Variants in CTNNA1 observed in about 807,000 individuals in gnomAD.
CTNNA1 encodes catenin alpha-1.
Under a neutral mutation model 98.4 loss-of-function variants are expected in CTNNA1, and 37 were observed. The ratio of observed to expected loss-of-function variants is 0.38; its 90% CI spans 0.29 to 0.49. CTNNA1 has a LOEUF of 0.49. CTNNA1 is among the 20% of genes least tolerant of loss of function. The pLI is 0.95. For missense variants in CTNNA1, 761 were observed against 1,147.2 expected (o/e 0.66, Z 4.86); for synonymous variants, 404 against 413.2 (o/e 0.98, Z 0.27).
chr5:138,910,155 T>C (rs1276259902), intron 10 of CTNNA1, among the ~76,000 whole-genome samples: 1 of 151,678 alleles, frequency 6.6e-6, no homozygotes, highest in East Asian at 1.9e-4. Context: ...GGTGCTGTGC[T>C]CTTTTCATAA....
In CTNNA1 at chr5:138,809,938, A is replaced by G. The variant is rs1013576591; in HGVS notation, c.302-100A>G. 4.3e-6 allele frequency: 6 copies of G among 1,399,938 alleles called. No individual in the cohort carries two copies. The African/African-American group carries it at 7.2e-5, about 17-fold the overall frequency. 86.7% of individuals were successfully genotyped at this position (1,399,938 alleles called of 1,614,324 possible). On this transcript the variant is annotated intron_variant, in intron 3 of 17. Transcript: ENST00000302763. ...GAAAACTCTTAAACTAAATTTGTGC[A>G]TGAAATATACAAAGTTTGGATTATT...
intron 5 of CTNNA1, among the ~76,000 whole-genome samples, chr5:138,815,855 A>G (rs908624447): frequency 6.6e-6 from 1 of 152,186 alleles, no homozygotes; most frequent in Non-Finnish European, 1.5e-5. Flanking sequence ...CCCGTTCACA[A>G]AATGGTCTTT....
Position 138,924,301 on chromosome 5 carries a change from C to A in CTNNA1, c.1547-209C>A, listed in dbSNP as rs66841148. 0.029 allele frequency among the ~76,000 whole-genome samples: 2,591 copies of A among 90,636 alleles called. 78 individuals carry two copies. Among genetic ancestry groups the A allele is most frequent in the African/African-American group, 0.081 (2,358 of 29,134 alleles). The allele number at this position is 90,636 out of a possible 152,430, so 59.5% of individuals were successfully genotyped here. A position where few individuals can be genotyped will look rare whatever the true frequency, so the allele number is the denominator to read the frequency against. ...TTTTTTGTTTTTTTTTTTTTAAAAA[C>A]CTGGAATGAAGATTGTTATTCTTGG... On this transcript the variant is annotated intron_variant, in intron 11 of 17. Transcript: ENST00000302763.
At chr5:138,848,043 C>G (rs1049544603) in intron 7 of CTNNA1, among the ~76,000 whole-genome samples, 5 of 152,216 alleles carry the variant, frequency 3.3e-5, no homozygotes, top group African/African-American at 1.2e-4. Context: ...GTAATAAATT[C>G]TACCTAATTT....
At chr5:138,805,404 T>C (rs1757987014) in intron 3 of CTNNA1, among the ~76,000 whole-genome samples, 2 of 152,206 alleles carry the variant, frequency 1.3e-5, no homozygotes, top group Admixed American at 6.5e-5. Flanking sequence ...AATTTCCTCA[T>C]ATTCTTGCCA....
At chr5:138,767,138 G>A (rs1244381854) in intron 1 of CTNNA1, among the ~76,000 whole-genome samples, 4 of 152,064 alleles carry the variant, frequency 2.6e-5, no homozygotes, top group South Asian at 2.1e-4. Flanking sequence ...CCGGGTTCAC[G>A]CCATTCTCCT....
chr5:138,795,718 A>G (rs1395519766), intron 3 of CTNNA1, among the ~76,000 whole-genome samples: 1 of 152,088 alleles, frequency 6.6e-6, no homozygotes, highest in Non-Finnish European at 1.5e-5. Flanking sequence ...CAGTTTTATT[A>G]TAGGCTTGCC....
Position 138,827,662 on chromosome 5 carries a change from G to C in CTNNA1, c.1006G>C (p.Glu336Gln). 1 of 1,614,252 alleles carries C rather than the reference G, an allele frequency of 6.2e-7. No individual in the cohort carries two copies. Among genetic ancestry groups the C allele is most frequent in the Non-Finnish European group, 8.5e-7 (1 of 1,180,042 alleles). The change falls in exon 7 of 18, where the codon GAG becomes CAG. Residue 336 changes from glutamate to glutamine, a missense_variant. Glu to Gln is a conservative substitution (Grantham distance 29, BLOSUM62 2). This residue lies in a region of CTNNA1 where 287 missense variants were observed against 436.0 expected (regional missense o/e 0.66). Transcript: ENST00000302763. ...RDDRRERIVAECNAVRQALQD... is the reference protein window; with the variant it reads ...RDDRRERIVAQCNAVRQALQD... ...TGACCGTCGTGAGCGAATTGTGGCAGAGTGTAATGCTGTCCGCCAGGCCCT... is the reference window on the plus strand; with the variant it reads ...TGACCGTCGTGAGCGAATTGTGGCACAGTGTAATGCTGTCCGCCAGGCCCT...
In CTNNA1 at chr5:138,759,980, C is replaced by CTTTTTTTT. The variant is rs70982734; in HGVS notation, c.-3+6492_-3+6499dup. ...GGAATCCTCTCCCAGAATTTCTTTC[C>CTTTTTTTT]TTTTTTTTTTTTTTTTTTTTTTTTT... On this transcript the variant is annotated intron_variant, in intron 1 of 17. Transcript: ENST00000302763. 4.9e-5 allele frequency among the ~76,000 whole-genome samples: 3 copies of CTTTTTTTT among 61,232 alleles called. 1 individual carries two copies. Among genetic ancestry groups the CTTTTTTTT allele is most frequent in the African/African-American group, 1.6e-4 (2 of 12,874 alleles). The allele number at this position is 61,232 out of a possible 152,430, so 40.2% of individuals were successfully genotyped here.
At chr5:138,814,267 A>T (rs1431098344) in intron 5 of CTNNA1, among the ~76,000 whole-genome samples, 16 of 137,150 alleles carry the variant, frequency 1.2e-4, no homozygotes, top group Non-Finnish European at 1.5e-4. Flanking sequence ...TTTTTTTTTG[A>T]GATGGAGTTT....
intron 1 of CTNNA1, 86 bp from the exon 2 acceptor site, chr5:138,781,837 A>G (rs1755148717): frequency 7.7e-7 from 1 of 1,302,180 alleles, no homozygotes. Flanking sequence ...TTCCTGATGC[A>G]AAAGTCCCAA....
chr5:138,902,599 T>A (rs1284000337), intron 9 of CTNNA1, among the ~76,000 whole-genome samples: 2 of 152,178 alleles, frequency 1.3e-5, no homozygotes, highest in Non-Finnish European at 2.9e-5. Context: ...TTTTTGTATT[T>A]TAGTAGAGAC....
intron 4 of CTNNA1, 169 bp from the exon 5 acceptor site, chr5:138,812,014 T>A: frequency 3.5e-6 from 2 of 563,750 alleles, no homozygotes; most frequent in Non-Finnish European, 3.2e-6. Context: ...ACTATGAAGC[T>A]CCTGTGTAAT....
intron 3 of CTNNA1, among the ~76,000 whole-genome samples, chr5:138,791,849 T>TA (rs1756417720): frequency 6.6e-6 from 1 of 151,154 alleles, no homozygotes. Flanking sequence ...CTTGTTTTTT[T>TA]AAATTTTTAT....
At chr5:138,925,794 G>C (rs1763883246) in intron 13 of CTNNA1, among the ~76,000 whole-genome samples, 1 of 152,224 alleles carries the variant, frequency 6.6e-6, no homozygotes, top group Non-Finnish European at 1.5e-5. Flanking sequence ...TCTTCGGAGG[G>C]GCTGCAGGCA....
chr5:138,875,536 C>T, intron 7 of CTNNA1: 1 of 985,450 alleles, frequency 1.0e-6, no homozygotes, highest in Non-Finnish European at 1.2e-6. Context: ...GATATTCCTT[C>T]AGTGTAGGAA....
intron 3 of CTNNA1, among the ~76,000 whole-genome samples, chr5:138,786,304 TAAC>T (rs1244959921): frequency 6.6e-6 from 1 of 152,234 alleles, no homozygotes; most frequent in East Asian, 1.9e-4. Flanking sequence ...TGGAGAATCT[TAAC>T]AAATGGTGAT....
In CTNNA1 at chr5:138,934,084, A is replaced by C. The variant is rs2150360688; in HGVS notation, c.2716A>C (p.Ile906Leu). 1 of 1,610,494 alleles carries C rather than the reference A, an allele frequency of 6.2e-7. No individual in the cohort carries two copies. Among genetic ancestry groups the C allele is most frequent in the South Asian group, 1.1e-5 (1 of 91,028 alleles). ...CAGCGAGTTCAAAGCTATGGACAGC[A>C]TCTAAGTCTGCCCAGGCCGGCCGCC... is the stretch of plus-strand genomic sequence containing the variant. ...ALSEFKAMDS[I>L] The change falls in exon 18 of 18, where the codon ATC becomes CTC. Residue 906 changes from isoleucine (I) to leucine (L), a missense_variant. This residue lies in a region of CTNNA1 where 57 missense variants were observed against 90.9 expected (regional missense o/e 0.63). Coordinates refer to ENST00000302763, the MANE Select transcript of CTNNA1 (RefSeq NM_001903.5).
chr5:138,860,487 G>T lies in CTNNA1; in HGVS notation c.1063-25725G>T, dbSNP rs945007588. Among the ~76,000 whole-genome samples, 37 of 124,084 alleles carry T rather than the reference G, an allele frequency of 3.0e-4. 1 individual carries two copies. The highest frequency in any genetic ancestry group is 1.9e-3 in the Admixed American group (21 of 11,076). 81.4% of individuals were successfully genotyped at this position (124,084 alleles called of 152,430 possible). ...ACAAATCTTAGACTGGCAGGGTTTG[G>T]TTTTTTTTGTTTGTTTTGTTTTGTT... is the stretch of plus-strand genomic sequence containing the variant. On this transcript the variant is annotated intron_variant, in intron 7 of 17. Transcript: ENST00000302763.
Sources: allele counts gnomAD v4.1 joint callset (sites outside exome capture counted in the v4.1 genomes callset), GRCh38; gene constraint gnomAD v4.1.1; regional missense constraint gnomAD v4.1.1; transcripts MANE v1.5; gene names NCBI Gene and HGNC (gene_info 2026-07-23, HGNC 2026-07-21).